The following ABAT variants were observed in gnomAD, a reference collection of about 807,000 sequenced individuals.
The protein encoded by ABAT is 4-aminobutyrate aminotransferase, mitochondrial.
Under a neutral mutation model 64.6 loss-of-function variants are expected in ABAT, and 45 were observed. The ratio of observed to expected loss-of-function variants is 0.70; its 90% CI spans 0.55 to 0.89. The LOEUF is 0.89. Ranked by LOEUF, ABAT falls within the 40% of genes least tolerant of loss-of-function variation. ABAT has a pLI of 0.00. For synonymous variants in ABAT, 297 were observed against 250.5 expected (o/e 1.19, Z -1.75); for missense variants, 633 against 658.4 (o/e 0.96, Z 0.42).
intron 1 of ABAT, among the ~76,000 whole-genome samples, chr16:8,699,069 A>T (rs934945859): frequency 6.6e-6 from 1 of 152,222 alleles, no homozygotes; most frequent in Non-Finnish European, 1.5e-5. Context: ...TTGCTGGGTC[A>T]TATGGTGATT....
intron 1 of ABAT, among the ~76,000 whole-genome samples, chr16:8,711,907 A>G (rs1410849462): frequency 6.6e-6 from 1 of 152,126 alleles, no homozygotes; most frequent in Non-Finnish European, 1.5e-5. Context: ...CAAAAAACAG[A>G]AACCTAGACT....
chr16:8,731,550 G>C (rs2058718905), intron 1 of ABAT: 1 of 152,094 alleles, frequency 6.6e-6, no homozygotes, highest in Non-Finnish European at 1.5e-5. Flanking sequence ...TTTTGTCAAA[G>C]CACTGGAAGC....
intron 1 of ABAT, among the ~76,000 whole-genome samples, chr16:8,701,375 G>A (rs116627593): frequency 0.021 from 3,242 of 152,280 alleles, 107 homozygotes; most frequent in African/African-American, 0.074. Flanking sequence ...AGTGAATAAC[G>A]TGAACACTGG....
At chr16:8,772,284 G>C (rs1009046571) in intron 11 of ABAT, among the ~76,000 whole-genome samples, 199 of 94,208 alleles carry the variant, frequency 2.1e-3, no homozygotes, top group African/African-American at 3.9e-3. Flanking sequence ...GTGTGTGTGT[G>C]TGTGTGTGTG....
chr16:8,731,913 G>A (rs1294532466), intron 1 of ABAT, among the ~76,000 whole-genome samples: 3 of 152,138 alleles, frequency 2.0e-5, no homozygotes, highest in Non-Finnish European at 2.9e-5. Flanking sequence ...GAGTGCAGTG[G>A]TGCGATCTCA....
At chr16:8,748,227 TAAAA>T in intron 4 of ABAT, 90 bp downstream of exon 4, 1 of 1,279,758 alleles carries the variant, frequency 7.8e-7, no homozygotes, top group South Asian at 1.3e-5. Context: ...GGCTCTTTTT[TAAAA>T]AAAATGTAGT....
At chr16:8,694,583 G>A (rs569887554) in intron 1 of ABAT, among the ~76,000 whole-genome samples, 3 of 151,156 alleles carry the variant, frequency 2.0e-5, no homozygotes, top group Admixed American at 1.3e-4. Flanking sequence ...TCACTATATC[G>A]CCCAAGCTGG....
At chr16:8,693,149 C>A (rs138153696) in intron 1 of ABAT, among the ~76,000 whole-genome samples, 1 of 152,174 alleles carries the variant, frequency 6.6e-6, no homozygotes, top group Non-Finnish European at 1.5e-5. Flanking sequence ...GCCACAATGC[C>A]CAGCCTCCAT....
intron 5 of ABAT, among the ~76,000 whole-genome samples, chr16:8,754,179 T>TAAAAAAAAAAAAAAAA (rs750745519): frequency 3.1e-5 from 2 of 63,840 alleles, no homozygotes; most frequent in Non-Finnish European, 5.7e-5. Context: ...ACCCTGTCTA[T>TAAAAAAAAAAAAAAAA]AAAAAAAAAA....
At chr16:8,692,301 A>G (rs2057602207) in intron 1 of ABAT, among the ~76,000 whole-genome samples, 1 of 152,226 alleles carries the variant, frequency 6.6e-6, no homozygotes, top group Non-Finnish European at 1.5e-5. Context: ...GGATAAGCCC[A>G]GGAAATCAAG....
At chr16:8,749,206 G>T (rs1315464409) in intron 4 of ABAT, among the ~76,000 whole-genome samples, 1 of 150,366 alleles carries the variant, frequency 6.7e-6, no homozygotes, top group South Asian at 2.1e-4. Flanking sequence ...TCCTGCCTCA[G>T]CCTCTCAAGT....
chr16:8,717,017 C>T (rs960150628), intron 1 of ABAT, among the ~76,000 whole-genome samples: 2 of 152,268 alleles, frequency 1.3e-5, no homozygotes, highest in African/African-American at 4.8e-5. Flanking sequence ...TGGCCGGGCA[C>T]GGTAGCTCGC....
chr16:8,724,727 TCAGGAAAAAAAAAAAAAA>T (rs2142223518), intron 1 of ABAT, among the ~76,000 whole-genome samples: 1 of 85,592 alleles, frequency 1.2e-5, no homozygotes, highest in Non-Finnish European at 2.0e-5. Context: ...AGACCTTGTC[TCAGGAAAAAAAAAAAAAA>T]CAAAAAAAAA....
chr16:8,717,461 A>G (rs75385233), intron 1 of ABAT, among the ~76,000 whole-genome samples: 4,293 of 152,278 alleles, frequency 0.028, 201 homozygotes, highest in African/African-American at 0.098. Context: ...AGCTTGTGTT[A>G]TATTTCTTTT....
chr16:8,776,498 C>T lies in ABAT; in HGVS notation c.1269+8C>T, dbSNP rs1296993727. Reference sequence around the variant, plus strand: ...GGACTGCTGGACCTCCAGGTAACACCCCCTCCCCTGCCCCGCCCCCACCAC... The same window carrying T: ...GGACTGCTGGACCTCCAGGTAACACTCCCTCCCCTGCCCCGCCCCCACCAC... On this transcript the variant is annotated splice_region_variant and intron_variant, in intron 14 of 15. Coordinates refer to ENST00000268251, the MANE Select transcript of ABAT (RefSeq NM_020686.6). This position sits in a 1 kb window ranked among gnomAD's most constrained non-coding sequence, Gnocchi z 4.4. 3 of 1,605,144 alleles carry T rather than the reference C, an allele frequency of 1.9e-6. No individual in the cohort carries two copies. Among genetic ancestry groups the T allele is most frequent in the East Asian group, 4.5e-5 (2 of 44,552 alleles).
chr16:8,704,532 C>T (rs1003256389), intron 1 of ABAT, among the ~76,000 whole-genome samples: 15 of 152,206 alleles, frequency 9.9e-5, no homozygotes, highest in South Asian at 2.1e-4. Flanking sequence ...AACAAATAGA[C>T]GGCCATGCCA....
intron 1 of ABAT, chr16:8,713,121 C>T (rs1189801101): frequency 6.6e-6 from 1 of 152,350 alleles, no homozygotes; most frequent in Non-Finnish European, 1.5e-5. Flanking sequence ...CCAGAGCAGC[C>T]CCTCTGCCTT....
intron 5 of ABAT, among the ~76,000 whole-genome samples, chr16:8,754,411 G>C (rs1169343451): frequency 4.6e-5 from 7 of 152,038 alleles, no homozygotes; most frequent in Admixed American, 6.6e-5. Context: ...AGATTAGCCG[G>C]TGACTGGTAG....
chr16:8,780,229 G>A (rs1221991155), intron 15 of ABAT, among the ~76,000 whole-genome samples: 8 of 152,098 alleles, frequency 5.3e-5, no homozygotes, highest in South Asian at 2.1e-4. Flanking sequence ...GGCCAGGCCC[G>A]GGTCGCATGG....
Sources: gnomAD v4.1 joint callset for allele counts (sites outside exome capture counted in the v4.1 genomes callset) on GRCh38, gnomAD v4.1.1 for gene constraint, Gnocchi (gnomAD v3.1) non-coding constraint, MANE v1.5 for transcripts, NCBI Gene and HGNC (gene_info 2026-07-23, HGNC 2026-07-21) for gene names.